DYRK1A: variants seen among roughly 807,000 people sequenced by gnomAD.
The protein encoded by DYRK1A is dual specificity tyrosine-phosphorylation-regulated kinase 1A.
In DYRK1A, 9 loss-of-function variants were observed where a neutral mutation model predicts 79.7. That is an observed-to-expected ratio of 0.11 (90% CI 0.07 to 0.20). The LOEUF is 0.20. DYRK1A is among the 10% of genes least tolerant of loss of function. The pLI is 1.00. For synonymous variants in DYRK1A, 349 were observed against 329.7 expected (o/e 1.06, Z -0.63); for missense variants, 622 against 956.0 (o/e 0.65, Z 4.61).
chr21:37,487,455 G>A (rs2052912802), intron 6 of DYRK1A: 2 of 152,100 alleles, frequency 1.3e-5, no homozygotes, highest in South Asian at 4.1e-4. Flanking sequence ...TAATATGTCA[G>A]TGATTGTAAG....
At chr21:37,421,116 T>C (rs1166955941) in intron 2 of DYRK1A, among the ~76,000 whole-genome samples, 4 of 152,138 alleles carry the variant, frequency 2.6e-5, no homozygotes, top group African/African-American at 9.7e-5. Context: ...GTTCTTAAAT[T>C]AGGCATATTA....
At chr21:37,462,385 C>T (rs1165287447) in intron 2 of DYRK1A, among the ~76,000 whole-genome samples, 1 of 152,138 alleles carries the variant, frequency 6.6e-6, no homozygotes, top group Non-Finnish European at 1.5e-5. Context: ...CAGGGGCCAG[C>T]CTTTACTGTA....
intron 2 of DYRK1A, among the ~76,000 whole-genome samples, chr21:37,455,603 C>G (rs889767877): frequency 1.3e-5 from 2 of 152,156 alleles, no homozygotes; most frequent in African/African-American, 4.8e-5. Context: ...AGTCTGCTCT[C>G]AGAGTGTCTC....
At chr21:37,477,394 C>G (rs560339863) in intron 3 of DYRK1A, among the ~76,000 whole-genome samples, 2 of 152,338 alleles carry the variant, frequency 1.3e-5, no homozygotes, top group Non-Finnish European at 2.9e-5. Flanking sequence ...AGGCATGGCA[C>G]TTGCTGGAGC....
intron 2 of DYRK1A, among the ~76,000 whole-genome samples, chr21:37,460,374 C>T (rs2148524694): frequency 6.6e-6 from 1 of 152,148 alleles, no homozygotes; most frequent in East Asian, 1.9e-4. Flanking sequence ...GAGGCAGTAG[C>T]GAACAAAAGG....
At chr21:37,486,380 G>C (rs1337594890) in intron 5 of DYRK1A, 87 bp from the exon 6 acceptor site, 9 of 1,056,594 alleles carry the variant, frequency 8.5e-6, no homozygotes, top group African/African-American at 1.7e-5. Context: ...TTGAGAATTA[G>C]GTAAATGTTA....
intron 2 of DYRK1A, among the ~76,000 whole-genome samples, chr21:37,449,483 G>A (rs796190548): frequency 2.6e-5 from 4 of 152,250 alleles, no homozygotes; most frequent in South Asian, 2.1e-4. Flanking sequence ...GTTTTCACAC[G>A]CAATTTTTAT....
chr21:37,443,149 TTTTTTC>T (rs2051159762), intron 2 of DYRK1A, among the ~76,000 whole-genome samples: 1 of 152,094 alleles, frequency 6.6e-6, no homozygotes, highest in Non-Finnish European at 1.5e-5. Flanking sequence ...AGATGTCTTT[TTTTTTC>T]CCCTTTCTTT....
chr21:37,472,776 C>T lies in DYRK1A; in HGVS notation c.103C>T (p.Pro35Ser), dbSNP rs968549141. Residue 35 changes from proline to serine, a missense_variant, in exon 3 of 12, where the codon CCC (proline) becomes TCC (serine). Pro to Ser is a moderately conservative substitution (Grantham distance 74, BLOSUM62 -1). Coordinates refer to ENST00000647188, the MANE Select transcript of DYRK1A (RefSeq NM_001347721.2). ...AAGLQMAGQMPHSHQYSDRRQ... is the reference protein window; with the variant it reads ...AAGLQMAGQMSHSHQYSDRRQ... Reference sequence around the variant, plus strand: ...TGGCCTTCAGATGGCTGGACAGATGCCCCATTCACATCAGTACAGTGACCG... The same window carrying T: ...TGGCCTTCAGATGGCTGGACAGATGTCCCATTCACATCAGTACAGTGACCG... 6.2e-7 allele frequency: 1 copy of T among 1,613,192 alleles called. No individual in the cohort carries two copies. The highest frequency in any genetic ancestry group is 1.3e-5 in the African/African-American group (1 of 74,918).
intron 1 of DYRK1A, among the ~76,000 whole-genome samples, chr21:37,387,811 G>A (rs1354352051): frequency 6.6e-6 from 1 of 152,180 alleles, no homozygotes; most frequent in Non-Finnish European, 1.5e-5. Flanking sequence ...TTTTGACTGG[G>A]TATAGAAATG....
intron 1 of DYRK1A, among the ~76,000 whole-genome samples, 178 bp downstream of exon 1, chr21:37,367,806 G>A (rs1332884022): frequency 6.6e-6 from 1 of 151,078 alleles, no homozygotes; most frequent in African/African-American, 2.4e-5. Context: ...GGGTCCCGGA[G>A]GAGCGGCGGG....
chr21:37,499,426 T>C (rs1040292695), intron 9 of DYRK1A, among the ~76,000 whole-genome samples: 3 of 152,204 alleles, frequency 2.0e-5, no homozygotes, highest in Non-Finnish European at 2.9e-5. Flanking sequence ...TTTTCACATA[T>C]GGATTTTTAG....
chr21:37,415,591 A>G (rs1345869558), intron 1 of DYRK1A: 2 of 151,764 alleles, frequency 1.3e-5, no homozygotes, highest in South Asian at 2.1e-4. Flanking sequence ...TAGCCTCCTT[A>G]TTAGCTGGGA....
intron 1 of DYRK1A, among the ~76,000 whole-genome samples, chr21:37,381,557 C>T (rs576814509): frequency 9.9e-5 from 15 of 152,234 alleles, no homozygotes; most frequent in African/African-American, 3.1e-4. Flanking sequence ...CTCTTCTAGC[C>T]GACACAGTGA....
At chr21:37,401,627 C>T (rs1280164687) in intron 1 of DYRK1A, among the ~76,000 whole-genome samples, 3 of 151,734 alleles carry the variant, frequency 2.0e-5, no homozygotes, top group Non-Finnish European at 4.4e-5. Flanking sequence ...GAATTACAGG[C>T]GTGCCCCACC....
intron 11 of DYRK1A, among the ~76,000 whole-genome samples, chr21:37,507,776 C>T (rs923732182): frequency 5.3e-5 from 8 of 151,682 alleles, no homozygotes; most frequent in Admixed American, 1.3e-4. Flanking sequence ...CTTCCCTACT[C>T]CGCTTAATGT....
intron 4 of DYRK1A, among the ~76,000 whole-genome samples, chr21:37,479,600 G>GTTTTTTTTTTTTTT (rs1569362052): frequency 4.4e-5 from 1 of 22,792 alleles, no homozygotes; most frequent in East Asian, 2.7e-3. Context: ...TTTTGTTTTT[G>GTTTTTTTTTTTTTT]TTTTTGTTTT....
chr21:37,507,492 C>T (rs2053631080), intron 11 of DYRK1A, among the ~76,000 whole-genome samples: 1 of 151,934 alleles, frequency 6.6e-6, no homozygotes, highest in Non-Finnish European at 1.5e-5. Flanking sequence ...CCACTTAGGT[C>T]CTGCCCTCCA....
rs772846396 is a variant in DYRK1A at position 37,445,943 on chromosome 21, A to G, written c.10+25559A>G. Among the ~76,000 whole-genome samples the G allele has an allele frequency of 1.4e-4, 21 of 152,236 alleles. 1 individual carries two copies. The highest frequency in any genetic ancestry group is 1.2e-3 in the South Asian group (6 of 4,818). On this transcript the variant is annotated intron_variant, in intron 2 of 11. Transcript: ENST00000647188. ...AGTATTGCTTGAGGAGTTCGAGACC[A>G]CCCTGGGCAGCCTAGTGAGACCCTC...
Sources: allele counts gnomAD v4.1 joint callset (sites outside exome capture counted in the v4.1 genomes callset), GRCh38; gene constraint gnomAD v4.1.1; transcripts MANE v1.5; gene names NCBI Gene and HGNC (gene_info 2026-07-23, HGNC 2026-07-21).